The following GLIS3 variants were observed in gnomAD, a reference collection of about 807,000 sequenced individuals.
GLIS3 encodes GLIS family zinc finger 3.
A neutral mutation model predicts 78.6 loss-of-function variants in GLIS3; 53 were observed. The ratio of observed to expected loss-of-function variants is 0.67; its 90% CI spans 0.54 to 0.85. GLIS3 has a LOEUF of 0.85. GLIS3 is among the 40% of genes least tolerant of loss of function. The pLI, the probability that GLIS3 is intolerant of heterozygous loss-of-function variation, is 0.00. For synonymous variants in GLIS3, 684 were observed against 509.9 expected (o/e 1.34, Z -4.60); for missense variants, 1,703 against 1,231.1 (o/e 1.38, Z -5.74).
At chr9:4,045,460 C>A (rs143614150) in intron 4 of GLIS3, among the ~76,000 whole-genome samples, 6 of 151,882 alleles carry the variant, frequency 4.0e-5, no homozygotes, top group Admixed American at 2.6e-4. Context: ...CTCAGCCTCC[C>A]GAGTAGCTGG....
intron 7 of GLIS3, 36 bp from the exon 8 acceptor site, chr9:3,879,631 C>G (rs1821596902): frequency 6.2e-7 from 1 of 1,610,580 alleles, no homozygotes; most frequent in African/African-American, 1.3e-5. Flanking sequence ...AGACCGTGCC[C>G]CAAAGGAAGC....
At chr9:4,438,947 C>G in the GLIS3 span, among the ~76,000 whole-genome samples, 1 of 152,090 alleles carries the variant, frequency 6.6e-6, no homozygotes, top group Non-Finnish European at 1.5e-5. Flanking sequence ...TTGTATAATC[C>G]TACTCTATAA....
chr9:4,142,822 C>G lies in GLIS3; in HGVS notation c.389-16881G>C, dbSNP rs952168653. On this transcript the variant is annotated intron_variant, in intron 2 of 10. Coordinates refer to ENST00000381971, the MANE Select transcript of GLIS3 (RefSeq NM_001042413.2). ...AAATGGAATCAATACAATTTCCTTC[C>G]AAACCTAACCCATCTAAGTGTATGA... Among the ~76,000 whole-genome samples the G allele has an allele frequency of 3.9e-5, 6 of 152,216 alleles. No homozygotes were observed. In the East Asian group the frequency reaches 1.2e-3, roughly 29 times the overall value.
At chr9:4,408,202 A>G in the GLIS3 span, among the ~76,000 whole-genome samples, 1 of 152,142 alleles carries the variant, frequency 6.6e-6, no homozygotes, top group Non-Finnish European at 1.5e-5. Flanking sequence ...GGAGAACAGC[A>G]TGGAGGTTCC....
In GLIS3 at chr9:3,934,981, G is replaced by A. The variant is rs558847984; in HGVS notation, c.1872+2047C>T. On this transcript the variant is annotated intron_variant, in intron 5 of 10. Coordinates refer to ENST00000381971, the MANE Select transcript of GLIS3 (RefSeq NM_001042413.2). ...ACAATTACTGTGTAGATATTAAGAT[G>A]CTAATAGAGAGATTAATTAATACAA... Among the ~76,000 whole-genome samples, 39 of 151,902 alleles carry A rather than the reference G, an allele frequency of 2.6e-4. 1 individual carries two copies. The highest frequency in any genetic ancestry group is 8.5e-4 in the African/African-American group (35 of 41,392).
chr9:4,370,803 T>C, the GLIS3 span, among the ~76,000 whole-genome samples: 4 of 151,982 alleles, frequency 2.6e-5, no homozygotes, highest in East Asian at 5.8e-4. Flanking sequence ...ACATTGGAAA[T>C]TCAAAAGAAA....
chr9:3,854,703 ATT>A (rs34986459), intron 9 of GLIS3, among the ~76,000 whole-genome samples: 61,721 of 147,812 alleles, frequency 0.42, 14,057 homozygotes, highest in East Asian at 0.74. Context: ...CGCCTGGCTA[ATT>A]TTTTTTTTTT....
the GLIS3 span, among the ~76,000 whole-genome samples, chr9:4,389,186 G>A: frequency 6.6e-6 from 1 of 152,192 alleles, no homozygotes; most frequent in Non-Finnish European, 1.5e-5. Flanking sequence ...GAGGCTAAGA[G>A]CAATTCAGTA....
chr9:4,176,514 T>G (rs1176401763), intron 2 of GLIS3, among the ~76,000 whole-genome samples: 2 of 152,324 alleles, frequency 1.3e-5, no homozygotes, highest in East Asian at 3.9e-4. Flanking sequence ...TAAGTCTACT[T>G]AACTATTTCT....
At chr9:4,303,129 C>CATTT (rs111725360), upstream of GLIS3, among the ~76,000 whole-genome samples, 2 of 151,860 alleles carry the variant, frequency 1.3e-5, no homozygotes, top group Non-Finnish European at 2.9e-5. Context: ...GACAGTAAAC[C>CATTT]ACTTACAAAC....
intron 2 of GLIS3, among the ~76,000 whole-genome samples, chr9:4,194,265 G>C (rs1398266125): frequency 1.3e-5 from 2 of 151,960 alleles, no homozygotes; most frequent in Admixed American, 1.3e-4. Context: ...TCACCATGTT[G>C]CCCAGGCTGG....
chr9:4,218,874 A>G (rs1416862012), intron 2 of GLIS3, among the ~76,000 whole-genome samples: 1 of 152,106 alleles, frequency 6.6e-6, no homozygotes, highest in Non-Finnish European at 1.5e-5. Flanking sequence ...CCAACTCTAA[A>G]CACTTTCATG....
intron 2 of GLIS3, among the ~76,000 whole-genome samples, chr9:4,265,282 G>A (rs775528786): frequency 2.0e-5 from 3 of 151,924 alleles, no homozygotes; most frequent in South Asian, 2.1e-4. Context: ...CTCATAATGC[G>A]CTACTTAACA....
In GLIS3 at chr9:3,879,392, G is replaced by A. The variant is rs199929969; in HGVS notation, c.2297+35C>T. On this transcript the variant is annotated intron_variant, in intron 8 of 10. Coordinates refer to ENST00000381971, the MANE Select transcript of GLIS3 (RefSeq NM_001042413.2). ...TGTCTGTGAAGGGAGGTTTGGCGGC[G>A]ACACCTATTAGGAGAGAGAGACAGA... The A allele has an allele frequency of 8.4e-4, 1,352 of 1,607,320 alleles. 8 individuals carry two copies. The highest frequency in any genetic ancestry group is 5.3e-3 in the Middle Eastern group (29 of 5,452).
chr9:4,408,882 G>A, the GLIS3 span, among the ~76,000 whole-genome samples: 1 of 151,982 alleles, frequency 6.6e-6, no homozygotes, highest in Non-Finnish European at 1.5e-5. Context: ...TGCTTGAGGA[G>A]ATGGATACCC....
intron 2 of GLIS3, among the ~76,000 whole-genome samples, chr9:4,184,165 G>A (rs542822514): frequency 6.6e-6 from 1 of 152,174 alleles, no homozygotes; most frequent in South Asian, 2.1e-4. Flanking sequence ...AAAATCAAGG[G>A]TATAAGCAAT....
At chr9:4,395,118 G>A in the GLIS3 span, among the ~76,000 whole-genome samples, 1 of 152,096 alleles carries the variant, frequency 6.6e-6, no homozygotes, top group Non-Finnish European at 1.5e-5. Flanking sequence ...CATACCTGAA[G>A]GTTAATGTTA....
chr9:4,466,836 G>T, the GLIS3 span, among the ~76,000 whole-genome samples: 2 of 152,224 alleles, frequency 1.3e-5, no homozygotes, highest in African/African-American at 2.4e-5. Flanking sequence ...GCAGGGCATC[G>T]CCTCATCCAG....
chr9:4,392,760 G>T, the GLIS3 span, among the ~76,000 whole-genome samples: 1 of 152,098 alleles, frequency 6.6e-6, no homozygotes, highest in African/African-American at 2.4e-5. Flanking sequence ...TCACCCAAGG[G>T]AGCACCTCAG....
Sources: gnomAD v4.1 joint callset for allele counts (sites outside exome capture counted in the v4.1 genomes callset) on GRCh38, gnomAD v4.1.1 for gene constraint, MANE v1.5 for transcripts, NCBI Gene and HGNC (gene_info 2026-07-23, HGNC 2026-07-21) for gene names.